SNTG2: variants seen among roughly 807,000 people sequenced by gnomAD.
The protein encoded by SNTG2 is gamma-2-syntrophin.
SNTG2 carries 74 observed loss-of-function variants against 70.9 expected under a neutral mutation model. The observed-to-expected ratio is 1.04, with a 90% CI of 0.86 to 1.27. SNTG2 has a LOEUF of 1.27. Ranked by LOEUF, SNTG2 falls within the 50% of genes most tolerant of loss-of-function variation. The pLI, the probability that SNTG2 is intolerant of heterozygous loss-of-function variation, is 0.00. For missense variants in SNTG2, 717 were observed against 690.7 expected (o/e 1.04, Z -0.43); for synonymous variants, 278 against 273.8 (o/e 1.02, Z -0.15).
intron 1 of SNTG2, among the ~76,000 whole-genome samples, chr2:990,108 C>G (rs572124830): frequency 6.6e-6 from 1 of 152,202 alleles, no homozygotes; most frequent in African/African-American, 2.4e-5. Flanking sequence ...TTTAAAAATC[C>G]GCTTTTATTG....
chr2:1,239,657 T>C, intron 10 of SNTG2, 81 bp from the exon 11 acceptor site: 5 of 1,467,472 alleles, frequency 3.4e-6, no homozygotes, highest in Non-Finnish European at 4.7e-6. Flanking sequence ...AGAGCGTGGC[T>C]GATGACTTCC....
chr2:994,952 A>C (rs1661628898), intron 1 of SNTG2, among the ~76,000 whole-genome samples: 1 of 151,550 alleles, frequency 6.6e-6, no homozygotes, highest in African/African-American at 2.4e-5. Flanking sequence ...ATTAGTTCAA[A>C]TAATTTTAAC....
At chr2:1,355,690 C>T (rs999979477) in intron 16 of SNTG2, among the ~76,000 whole-genome samples, 4 of 152,150 alleles carry the variant, frequency 2.6e-5, no homozygotes, top group East Asian at 1.9e-4. Context: ...CCATTTTCCT[C>T]GGATGCATTC....
chr2:987,886 G>A (rs7608441), intron 1 of SNTG2, among the ~76,000 whole-genome samples: 8,398 of 152,182 alleles, frequency 0.055, 787 homozygotes, highest in African/African-American at 0.19. Flanking sequence ...CATCACCAGC[G>A]CTCTCCGCTC....
Position 1,165,630 on chromosome 2 carries a change from C to G in SNTG2, c.494C>G (p.Pro165Arg), listed in dbSNP as rs918388278. 1.9e-6 allele frequency: 3 copies of G among 1,611,512 alleles called. No homozygotes were observed. Among genetic ancestry groups the G allele is most frequent in the Non-Finnish European group, 2.5e-6 (3 of 1,179,030 alleles). ...GAAGCGCCGGCATTTCTGAAGCTCC[C>G]GTTAGGTAAGTGGGAAGAGGAGAAA... ...LREAPAFLKL[P>R]LGSPGPSSDH... The change falls in exon 7 of 17, where the codon CCG (proline) becomes CGG (arginine). Residue 165 changes from proline (P) to arginine (R), a missense_variant. Physicochemically the swap from Pro to Arg is moderately radical, Grantham distance 103. Coordinates refer to ENST00000308624, the MANE Select transcript of SNTG2 (RefSeq NM_018968.4).
At chr2:1,176,689 A>C (rs554318695) in intron 8 of SNTG2, among the ~76,000 whole-genome samples, 19 of 152,256 alleles carry the variant, frequency 1.2e-4, no homozygotes, top group Admixed American at 1.2e-3. Flanking sequence ...GGACACGAAC[A>C]GATACTTCTC....
At chr2:1,222,117 C>CTCTGCCTATCTCTCTCTCTG (rs1185946852) in intron 9 of SNTG2, among the ~76,000 whole-genome samples, 1 of 37,452 alleles carries the variant, frequency 2.7e-5, no homozygotes, top group African/African-American at 8.2e-5. Flanking sequence ...CTCTCTCTGT[C>CTCTGCCTATCTCTCTCTCTG]TCTCTCTGTC....
At chr2:1,117,185 TC>T (rs1667072002) in intron 4 of SNTG2, among the ~76,000 whole-genome samples, 1 of 152,086 alleles carries the variant, frequency 6.6e-6, no homozygotes, top group Non-Finnish European at 1.5e-5. Context: ...AGGTTTATTT[TC>T]CAAAAGTTAG....
intron 9 of SNTG2, among the ~76,000 whole-genome samples, chr2:1,220,670 A>G (rs1674695219): frequency 6.6e-6 from 1 of 152,228 alleles, no homozygotes; most frequent in Non-Finnish European, 1.5e-5. Context: ...ATGTTGACAG[A>G]AAGAGAATAA....
chr2:1,080,033 C>T (rs1664179601), intron 1 of SNTG2, among the ~76,000 whole-genome samples: 1 of 152,184 alleles, frequency 6.6e-6, no homozygotes, highest in Non-Finnish European at 1.5e-5. Flanking sequence ...CCGGGTCCTG[C>T]TCCTTATTAG....
intron 6 of SNTG2, among the ~76,000 whole-genome samples, chr2:1,139,088 A>C (rs1668582659): frequency 6.6e-6 from 1 of 152,224 alleles, no homozygotes; most frequent in East Asian, 1.9e-4. Flanking sequence ...TCTCGAGTAG[A>C]TGAAGTGCTG....
intron 1 of SNTG2, among the ~76,000 whole-genome samples, chr2:1,032,254 C>T (rs917283184): frequency 6.6e-6 from 1 of 151,936 alleles, no homozygotes; most frequent in Non-Finnish European, 1.5e-5. Context: ...TAAGCAAAAC[C>T]GCAAAAGCCA....
At chr2:1,287,897 G>A (rs927650934) in intron 14 of SNTG2, among the ~76,000 whole-genome samples, 47 of 152,080 alleles carry the variant, frequency 3.1e-4, no homozygotes, top group Admixed American at 2.0e-4. Flanking sequence ...TTTAAGACCC[G>A]AGAATGACCA....
intron 8 of SNTG2, among the ~76,000 whole-genome samples, chr2:1,182,678 T>C (rs1213150145): frequency 6.6e-6 from 1 of 152,232 alleles, no homozygotes; most frequent in Non-Finnish European, 1.5e-5. Flanking sequence ...ACTTAAACTT[T>C]ACAGCATCTT....
intron 4 of SNTG2, among the ~76,000 whole-genome samples, chr2:1,123,916 G>C (rs773174664): frequency 2.4e-4 from 37 of 152,184 alleles, no homozygotes; most frequent in Non-Finnish European, 5.0e-4. Flanking sequence ...CTTATATGTG[G>C]AATCTAAAAC....
At chr2:1,000,259 C>T (rs534288288) in intron 1 of SNTG2, among the ~76,000 whole-genome samples, 2 of 151,722 alleles carry the variant, frequency 1.3e-5, no homozygotes, top group Admixed American at 1.3e-4. Context: ...CCAAAGCTAA[C>T]AGAAGAAAAT....
chr2:1,104,650 G>A (rs1488360412), intron 4 of SNTG2, among the ~76,000 whole-genome samples: 3 of 152,292 alleles, frequency 2.0e-5, no homozygotes, highest in African/African-American at 4.8e-5. Flanking sequence ...TTTTGTCAGC[G>A]TGTGTGGCCC....
chr2:1,062,247 T>G (rs1026380698), intron 1 of SNTG2, among the ~76,000 whole-genome samples: 1 of 152,194 alleles, frequency 6.6e-6, no homozygotes, highest in African/African-American at 2.4e-5. Flanking sequence ...TTGAACATGA[T>G]CAAGCCCACT....
At chr2:1,187,788 A>T (rs889871603) in intron 8 of SNTG2, among the ~76,000 whole-genome samples, 5 of 152,220 alleles carry the variant, frequency 3.3e-5, no homozygotes, top group African/African-American at 1.2e-4. Context: ...GAAACCAGAA[A>T]ATAGTGCAGT....
Sources: gnomAD v4.1 joint callset for allele counts (sites outside exome capture counted in the v4.1 genomes callset) on GRCh38, gnomAD v4.1.1 for gene constraint, MANE v1.5 for transcripts, NCBI Gene and HGNC (gene_info 2026-07-23, HGNC 2026-07-21) for gene names.